EXPH5: variants seen among roughly 807,000 people sequenced by gnomAD.
EXPH5 encodes the protein exophilin-5.
EXPH5 carries 42 observed loss-of-function variants against 41.1 expected under a neutral mutation model. That is an observed-to-expected ratio of 1.02 (90% CI 0.80 to 1.32). The LOEUF (loss-of-function observed/expected upper bound fraction) is 1.32, where lower values mean the gene tolerates loss of function less well. Ranked by LOEUF, EXPH5 falls within the 40% of genes most tolerant of loss-of-function variation. The pLI is 0.00. For synonymous variants in EXPH5, 798 were observed against 833.5 expected, an observed-to-expected ratio of 0.96 and a Z score of 0.73; for missense variants, 2,298 against 2,314.5, an observed-to-expected ratio of 0.99 and a Z score of 0.15.
chr11:108,568,568 AATGT>A, intron 1 of EXPH5, among the ~76,000 whole-genome samples: 1 of 152,302 alleles, frequency 6.6e-6, no homozygotes, highest in Middle Eastern at 3.4e-3. Context: ...GCTGAGAAAT[AATGT>A]ACAACAAGAG....
chr11:108,539,754 C>T (rs1591713071), intron 2 of EXPH5, among the ~76,000 whole-genome samples: 1 of 152,010 alleles, frequency 6.6e-6, no homozygotes, highest in East Asian at 1.9e-4. Flanking sequence ...TCAAAAATTT[C>T]CCCAAAATCC....
intron 3 of EXPH5, among the ~76,000 whole-genome samples, chr11:108,532,366 ATTTTTTTTTTTTTT>A (rs1168217383): frequency 1.6e-3 from 51 of 32,112 alleles, no homozygotes; most frequent in African/African-American, 8.5e-3. Context: ...ATATATATAT[ATTTTTTTTTTTTTT>A]TTTTTTTTTT....
chr11:108,567,458 A>T (rs1007031767), intron 1 of EXPH5, among the ~76,000 whole-genome samples: 5 of 152,236 alleles, frequency 3.3e-5, no homozygotes, highest in African/African-American at 1.2e-4. Flanking sequence ...GCTCCAATCC[A>T]TCTTTCTCTT....
chr11:108,516,262 C>T (rs1836745543), intron 5 of EXPH5, among the ~76,000 whole-genome samples: 1 of 152,058 alleles, frequency 6.6e-6, no homozygotes, highest in South Asian at 2.1e-4. Flanking sequence ...TGCCCAGGGG[C>T]CCCCTTACGA....
upstream of EXPH5, among the ~76,000 whole-genome samples, chr11:108,595,285 G>T (rs2094137171): frequency 6.6e-6 from 1 of 152,190 alleles, no homozygotes; most frequent in Non-Finnish European, 1.5e-5. Flanking sequence ...GAACATAATA[G>T]AGGAATAAAG....
At chr11:108,574,320 A>G (rs1192449302) in intron 1 of EXPH5, among the ~76,000 whole-genome samples, 1 of 151,816 alleles carries the variant, frequency 6.6e-6, no homozygotes, top group African/African-American at 2.4e-5. Flanking sequence ...AGAGGTTACA[A>G]TGAACTGTCA....
rs901003321 is a variant in EXPH5 at position 108,505,881 on chromosome 11, T to G, written c.*3656A>C. ...ATATTTACCTCCTACACAAAGTAGC[T>G]GTTATTAGCTTATCACCAACCAAAC... On this transcript the variant is annotated 3_prime_UTR_variant, in exon 6 of 6. Transcript: ENST00000265843. 9 of 152,222 alleles carry G rather than the reference T, an allele frequency of 5.9e-5. No individual in the cohort carries two copies. Among genetic ancestry groups the G allele is most frequent in the African/African-American group, 1.7e-4 (7 of 41,460 alleles). 9.4% of individuals were successfully genotyped at this position (152,222 alleles called of 1,614,324 possible).
chr11:108,597,002 T>C (rs1263955346), upstream of EXPH5, among the ~76,000 whole-genome samples: 1 of 152,190 alleles, frequency 6.6e-6, no homozygotes. Flanking sequence ...GCTAAAGAGA[T>C]ACTCATCAGT....
At chr11:108,592,453 C>T (rs971950905) in intron 1 of EXPH5, among the ~76,000 whole-genome samples, 1 of 152,168 alleles carries the variant, frequency 6.6e-6, no homozygotes, top group African/African-American at 2.4e-5. Flanking sequence ...GATCATAAAA[C>T]AAAATGACTT....
Position 108,544,958 on chromosome 11 carries a change from C to T in EXPH5, c.120-3146G>A, listed in dbSNP as rs150718074. ...TTTTTATTATGTACAATATATGGAG[C>T]TATCTCTTCTTTTTGTTTGATTGTG... On this transcript the variant is annotated intron_variant, in intron 1 of 5. Transcript: ENST00000265843. Among the ~76,000 whole-genome samples, 188 of 151,434 alleles carry T rather than the reference C, an allele frequency of 1.2e-3. 1 individual carries two copies. The highest frequency in any genetic ancestry group is 4.1e-3 in the African/African-American group (170 of 41,256).
At chr11:108,589,377 C>T (rs747391336) in intron 1 of EXPH5, among the ~76,000 whole-genome samples, 2 of 152,088 alleles carry the variant, frequency 1.3e-5, no homozygotes, top group Non-Finnish European at 2.9e-5. Flanking sequence ...TAACCTCTGC[C>T]GGATGTGGCA....
At position 108,512,257 on chromosome 11, in the gene EXPH5, C is replaced by A. The variant is rs756625276; in HGVS notation, c.3250G>T (p.Val1084Phe). ...GCTTCCAGGGCTGAGTCTGAAAGGACTTTGGAACATTCATTCGCTGACTCA... is the reference window on the plus strand; with the variant it reads ...GCTTCCAGGGCTGAGTCTGAAAGGAATTTGGAACATTCATTCGCTGACTCA... ...SPESANECSK[V>F]LSDSALEAPE... The change falls in exon 6 of 6, where the codon GTC (valine) becomes TTC (phenylalanine). Residue 1084 changes from valine (V) to phenylalanine (F), a missense_variant. Coordinates refer to ENST00000265843, the MANE Select transcript of EXPH5 (RefSeq NM_015065.3). The A allele has an allele frequency of 4.3e-6, 7 of 1,612,182 alleles. No homozygotes were observed. Among genetic ancestry groups the A allele is most frequent in the Non-Finnish European group, 5.9e-6 (7 of 1,179,414 alleles).
chr11:108,555,946 G>A (rs560313835), intron 1 of EXPH5, among the ~76,000 whole-genome samples: 12 of 152,138 alleles, frequency 7.9e-5, no homozygotes, highest in Non-Finnish European at 1.5e-4. Flanking sequence ...ACGTATACAA[G>A]CCCCTATCTG....
intron 1 of EXPH5, among the ~76,000 whole-genome samples, chr11:108,580,306 T>C (rs928697354): frequency 2.0e-5 from 3 of 151,966 alleles, no homozygotes; most frequent in African/African-American, 7.3e-5. Context: ...AAAAAGATGC[T>C]CAACATCACT....
chr11:108,564,556 A>ATGTTG (rs2094026441), intron 1 of EXPH5, among the ~76,000 whole-genome samples: 2 of 152,226 alleles, frequency 1.3e-5, no homozygotes, highest in Non-Finnish European at 2.9e-5. Context: ...CTAATTTTTT[A>ATGTTG]GAGTCATAAT....
intron 3 of EXPH5, among the ~76,000 whole-genome samples, chr11:108,532,448 C>T (rs1233584361): frequency 7.5e-6 from 1 of 132,686 alleles, no homozygotes; most frequent in Non-Finnish European, 1.5e-5. Context: ...CTCCTGCGCT[C>T]AAGTGATCTG....
At chr11:108,538,778 A>T (rs1465057831) in intron 3 of EXPH5, among the ~76,000 whole-genome samples, 1 of 152,178 alleles carries the variant, frequency 6.6e-6, no homozygotes, top group Non-Finnish European at 1.5e-5. Flanking sequence ...TATTTAACCC[A>T]TCACTCACCA....
chr11:108,510,280 C>T lies in EXPH5; in HGVS notation c.5227G>A (p.Ala1743Thr), dbSNP rs1565766798. The change falls in exon 6 of 6, where the codon GCA becomes ACA. Residue 1743 changes from alanine (A) to threonine (T), a missense_variant. Transcript: ENST00000265843. ...SPITFTSLREAEFSDNQRRLS... is the reference protein window; with the variant it reads ...SPITFTSLRETEFSDNQRRLS... ...CTCCTCTGATTGTCAGAGAATTCTG[C>T]TTCCCTGAGGCTGGTGAATGTGATG... 6 of 1,614,042 alleles carry T rather than the reference C, an allele frequency of 3.7e-6. No individual in the cohort carries two copies. Among genetic ancestry groups the T allele is most frequent in the Non-Finnish European group, 5.1e-6 (6 of 1,179,980 alleles).
chr11:108,557,657 T>C (rs1170985049), intron 1 of EXPH5, among the ~76,000 whole-genome samples: 2 of 152,186 alleles, frequency 1.3e-5, no homozygotes, highest in African/African-American at 4.8e-5. Flanking sequence ...CCTGGTTTAC[T>C]TTTCTTAATC....
Sources: allele counts gnomAD v4.1 joint callset (sites outside exome capture counted in the v4.1 genomes callset), GRCh38; gene constraint gnomAD v4.1.1; transcripts MANE v1.5; gene names NCBI Gene and HGNC (gene_info 2026-07-23, HGNC 2026-07-21).